The following RRBP1 variants were observed in gnomAD, a reference collection of about 807,000 sequenced individuals.
The protein encoded by RRBP1 is ribosome binding protein 1.
A neutral mutation model predicts 165.2 loss-of-function variants in RRBP1; 94 were observed. The observed-to-expected ratio is 0.57, with a 90% CI of 0.48 to 0.68. The LOEUF is 0.68. RRBP1 is among the 30% of genes least tolerant of loss of function. RRBP1 has a pLI of 0.00. For synonymous variants in RRBP1, 680 were observed against 714.5 expected, an observed-to-expected ratio of 0.95 and a Z score of 0.77; for missense variants, 1,676 against 1,763.0, an observed-to-expected ratio of 0.95 and a Z score of 0.88.
intron 3 of RRBP1, among the ~76,000 whole-genome samples, chr20:17,647,590 G>A (rs1192564288): frequency 6.6e-6 from 1 of 152,216 alleles, no homozygotes; most frequent in African/African-American, 2.4e-5. Flanking sequence ...ATCCCCGCTG[G>A]GTCCTAAGAG....
chr20:17,644,888 G>A lies in RRBP1; in HGVS notation c.1913-1761C>T, dbSNP rs111630547. Among the ~76,000 whole-genome samples the A allele has an allele frequency of 4.0e-3, 607 of 152,336 alleles. 9 individuals carry two copies. Among genetic ancestry groups the A allele is most frequent in the African/African-American group, 0.014 (566 of 41,578 alleles). On this transcript the variant is annotated intron_variant, in intron 3 of 24. Coordinates refer to ENST00000377813, the MANE Select transcript of RRBP1 (RefSeq NM_001365613.2). ...TAAACTGGGTCAAACAAAATGTATC[G>A]TTAACATTCAGTCCATTTGTTTCTT...
At chr20:17,634,611 C>CTTG (rs2036214358) in intron 7 of RRBP1, among the ~76,000 whole-genome samples, 15 of 152,356 alleles carry the variant, frequency 9.8e-5, no homozygotes, top group Admixed American at 9.8e-4. Flanking sequence ...CTGGCAGGGC[C>CTTG]ACTGCCTCAG....
At chr20:17,646,209 A>G (rs572039269) in intron 3 of RRBP1, among the ~76,000 whole-genome samples, 1 of 152,330 alleles carries the variant, frequency 6.6e-6, no homozygotes, top group African/African-American at 2.4e-5. Flanking sequence ...AATCTGAGCC[A>G]GAACCCTCAA....
chr20:17,658,755 TG>T lies in RRBP1; in HGVS notation c.1752del (p.Asn585ThrfsTer114). The stretch of plus-strand genomic sequence containing the variant: ...GCTGCGTCTGCCTTTTTGCCTTGGT[TG>T]GGGGACCCTTCTGCCTTTTTGCCTT... The part of the protein sequence containing the change: ...PSEGKKAEGS[P>X]NQGKKADAAA... On this transcript the variant is annotated frameshift_variant, in exon 3 of 25. Coordinates refer to ENST00000377813, the MANE Select transcript of RRBP1 (RefSeq NM_001365613.2). LOFTEE classifies it high-confidence loss of function. 6.2e-7 allele frequency: 1 copy of T among 1,612,214 alleles called. No individual in the cohort carries two copies. Among genetic ancestry groups the T allele is most frequent in the African/African-American group, 1.3e-5 (1 of 75,012 alleles).
At chr20:17,661,431 G>T (rs761479746) in intron 2 of RRBP1, among the ~76,000 whole-genome samples, 3 of 152,140 alleles carry the variant, frequency 2.0e-5, no homozygotes, top group Non-Finnish European at 2.9e-5. Flanking sequence ...GTGTCAGCAG[G>T]CCCCTCTGTC....
At chr20:17,663,751 C>T (rs2036815004) in intron 2 of RRBP1, among the ~76,000 whole-genome samples, 1 of 152,142 alleles carries the variant, frequency 6.6e-6, no homozygotes, top group Non-Finnish European at 1.5e-5. Flanking sequence ...AATCAGCATT[C>T]CGGGAGATTT....
intron 3 of RRBP1, among the ~76,000 whole-genome samples, chr20:17,647,487 C>T (rs1438886737): frequency 6.6e-6 from 1 of 152,170 alleles, no homozygotes; most frequent in African/African-American, 2.4e-5. Flanking sequence ...TAGGAAGGAG[C>T]GTTTGAATTT....
At chr20:17,674,648 C>T (rs531688842) in intron 2 of RRBP1, among the ~76,000 whole-genome samples, 1 of 151,700 alleles carries the variant, frequency 6.6e-6, no homozygotes, top group Admixed American at 6.6e-5. Flanking sequence ...CGCCTGTAGT[C>T]CAGCAGGAGG....
intron 11 of RRBP1, among the ~76,000 whole-genome samples, chr20:17,626,230 A>G (rs2036016415): frequency 6.6e-6 from 1 of 152,212 alleles, no homozygotes; most frequent in South Asian, 2.1e-4. Flanking sequence ...TCCTAACTAC[A>G]ACATGAGTTC....
At chr20:17,616,985 T>G in intron 20 of RRBP1, 146 bp from the exon 21 acceptor site, 1 of 721,632 alleles carries the variant, frequency 1.4e-6, no homozygotes, top group Non-Finnish European at 2.4e-6. Context: ...CTGTGACCTA[T>G]GTCTGGCCAC....
chr20:17,616,041 C>T, intron 21 of RRBP1, 32 bp from the exon 22 acceptor site: 1 of 1,586,842 alleles, frequency 6.3e-7, no homozygotes, highest in Non-Finnish European at 8.6e-7. Flanking sequence ...AACCCGGCAG[C>T]CCGGTGAGGA....
In RRBP1 at chr20:17,627,657, G is replaced by C; in HGVS notation, c.2775C>G (p.Ser925=). The C allele has an allele frequency of 6.2e-7, 1 of 1,608,966 alleles. No individual in the cohort carries two copies. The highest frequency in any genetic ancestry group is 8.5e-7 in the Non-Finnish European group (1 of 1,177,578). Residue 925 remains serine, a synonymous_variant, in exon 10 of 25, where the codon TCC becomes TCG. Transcript: ENST00000377813. ...MAELHSKLQS[S]EAEVRSKCEE... ...CGCATTTGCTGCGCACCTCCGCCTC[G>C]GAGGACTGTAACTTGCTGTGCAGCT...
At chr20:17,655,993 T>C (rs1218179820) in intron 3 of RRBP1, among the ~76,000 whole-genome samples, 1 of 152,114 alleles carries the variant, frequency 6.6e-6, no homozygotes, top group Non-Finnish European at 1.5e-5. Flanking sequence ...CACAAGATCC[T>C]GGGTGATTCA....
At chr20:17,616,677 G>C in intron 21 of RRBP1, 55 bp downstream of exon 21, 1 of 1,220,312 alleles carries the variant, frequency 8.2e-7, no homozygotes, top group South Asian at 1.2e-5. Flanking sequence ...AGGCAGCAGG[G>C]CCTGCACTCT....
intron 8 of RRBP1, among the ~76,000 whole-genome samples, chr20:17,632,510 GTTTC>G (rs2036169453): frequency 6.6e-6 from 1 of 152,164 alleles, no homozygotes; most frequent in African/African-American, 2.4e-5. Context: ...AATTCAAACT[GTTTC>G]TTTGTCCATG....
At chr20:17,620,628 C>A in intron 17 of RRBP1, 87 bp downstream of exon 17, 1 of 1,039,472 alleles carries the variant, frequency 9.6e-7, no homozygotes, top group Admixed American at 1.9e-5. Context: ...ACACACGAGT[C>A]TCACAGGTGA....
intron 16 of RRBP1, 106 bp downstream of exon 16, chr20:17,621,352 G>T: frequency 1.3e-6 from 1 of 779,264 alleles, no homozygotes; most frequent in Admixed American, 2.2e-5. Context: ...CACAAGGCCA[G>T]TGGGCTTTTC....
chr20:17,678,163 G>C (rs894198902), intron 2 of RRBP1, among the ~76,000 whole-genome samples: 1 of 152,232 alleles, frequency 6.6e-6, no homozygotes, highest in Non-Finnish European at 1.5e-5. Flanking sequence ...GACTCGGCCA[G>C]AATTTGTCTG....
chr20:17,656,817 T>C (rs1403770926), intron 3 of RRBP1, among the ~76,000 whole-genome samples: 1 of 152,220 alleles, frequency 6.6e-6, no homozygotes. Flanking sequence ...AAAATTACTA[T>C]CCTTTCATCG....
Sources: gnomAD v4.1 joint callset for allele counts (sites outside exome capture counted in the v4.1 genomes callset) on GRCh38, gnomAD v4.1.1 for gene constraint, MANE v1.5 for transcripts, NCBI Gene and HGNC (gene_info 2026-07-23, HGNC 2026-07-21) for gene names.